The following GDPD4 variants were observed in gnomAD, a reference collection of about 807,000 sequenced individuals.
The protein encoded by GDPD4 is glycerophosphodiester phosphodiesterase domain containing 4.
In GDPD4, 60 loss-of-function variants were observed where a neutral mutation model predicts 67.8. The observed-to-expected ratio is 0.88, with a 90% CI of 0.72 to 1.10. The LOEUF (loss-of-function observed/expected upper bound fraction) is 1.10. Among genes scored for constraint, GDPD4 ranks in the 50% least tolerant of loss-of-function variants. The probability of loss-of-function intolerance (pLI) is 0.00; values close to 1 mark genes in which losing one functional copy is unlikely to be tolerated. For synonymous variants in GDPD4, 212 were observed against 210.9 expected (o/e 1.00, Z -0.04); for missense variants, 623 against 613.9 (o/e 1.01, Z -0.16).
In GDPD4 at chr11:77,287,225, C is replaced by T. The variant is rs957854831; in HGVS notation, c.-58G>A. The T allele has an allele frequency of 1.3e-5, 2 of 152,214 alleles. No homozygotes were observed. Among genetic ancestry groups the T allele is most frequent in the Non-Finnish European group, 2.9e-5 (2 of 68,050 alleles). The allele number at this position is 152,214 out of a possible 1,614,324, so 9.4% of individuals were successfully genotyped here. On this transcript the variant is annotated 5_prime_UTR_variant, in exon 2 of 17. Transcript: ENST00000315938. ...CTCCTTATCAGTCTGTACCCAAGTGCAGCAACAAAATCCAACTTTAGTTTT... is the reference window on the plus strand; with the variant it reads ...CTCCTTATCAGTCTGTACCCAAGTGTAGCAACAAAATCCAACTTTAGTTTT...
rs1958127694 is a variant in GDPD4, at chr11:77,216,730, C to T, written c.*547G>A. On this transcript the variant is annotated 3_prime_UTR_variant, in exon 17 of 17. Coordinates refer to ENST00000315938, the MANE Select transcript of GDPD4 (RefSeq NM_182833.3). ...TCTTGATAGCGAGAGCACAATGGTT[C>T]CCCTGAGAGCCTCCGTGGCCCTTCT... is the stretch of plus-strand genomic sequence containing the variant. 5.1e-6 allele frequency: 3 copies of T among 589,074 alleles called. No individual in the cohort carries two copies. Among genetic ancestry groups the T allele is most frequent in the African/African-American group, 1.9e-5 (1 of 53,714 alleles). The allele number at this position is 589,074 out of a possible 1,614,324, so 36.5% of individuals were successfully genotyped here.
At chr11:77,269,838 C>G (rs1193063065) in intron 8 of GDPD4, 45 bp downstream of exon 8, 1 of 1,030,348 alleles carries the variant, frequency 9.7e-7, no homozygotes, top group Non-Finnish European at 1.5e-6. Context: ...TTCAAGTTAC[C>G]ACCTTTGCTT....
At chr11:77,259,208 G>A (rs966971399) in intron 10 of GDPD4, among the ~76,000 whole-genome samples, 4 of 152,006 alleles carry the variant, frequency 2.6e-5, no homozygotes, top group Non-Finnish European at 4.4e-5. Context: ...TCGAACTCCT[G>A]GCCTCAAGTG....
rs766657500 is a variant in GDPD4 at position 77,245,293 on chromosome 11, G to T, written c.1074C>A (p.Ile358=). The change falls in exon 12 of 17, where the codon ATC becomes ATA. Residue 358 remains isoleucine (I), a synonymous_variant. Transcript: ENST00000315938. ...QVVSVILASK[I]EQHLIFWLPA... is the part of the protein sequence containing the mutation. ...GAGATAGACTTACCAGATGTTGCTCGATTTTAGAGGCAAGGATCACGCTTA... is the reference window on the plus strand; with the variant it reads ...GAGATAGACTTACCAGATGTTGCTCTATTTTAGAGGCAAGGATCACGCTTA... The T allele has an allele frequency of 1.2e-6, 2 of 1,613,710 alleles. No homozygotes were observed. The highest frequency in any genetic ancestry group is 1.7e-6 in the Non-Finnish European group (2 of 1,179,750).
intron 16 of GDPD4, 148 bp downstream of exon 16, chr11:77,227,716 C>T: frequency 3.1e-6 from 2 of 651,804 alleles, no homozygotes; most frequent in Non-Finnish European, 5.6e-6. Context: ...TATGCCCAGC[C>T]TATACTTCCC....
intron 13 of GDPD4, among the ~76,000 whole-genome samples, chr11:77,241,594 C>T (rs753706071): frequency 6.8e-6 from 1 of 147,494 alleles, no homozygotes; most frequent in African/African-American, 2.5e-5. Flanking sequence ...GCCAAGATCA[C>T]GCCACTGCCT....
intron 11 of GDPD4, among the ~76,000 whole-genome samples, chr11:77,246,340 C>G (rs1328875480): frequency 6.6e-6 from 1 of 151,950 alleles, no homozygotes; most frequent in Non-Finnish European, 1.5e-5. Context: ...ACTTCAATGG[C>G]TTTGAAGCCC....
chr11:77,243,103 T>C (rs565989381), intron 13 of GDPD4, among the ~76,000 whole-genome samples: 2 of 152,304 alleles, frequency 1.3e-5, no homozygotes, highest in South Asian at 4.1e-4. Flanking sequence ...ATTAAGCATG[T>C]TTAATAATAG....
intron 11 of GDPD4, among the ~76,000 whole-genome samples, chr11:77,257,254 T>C (rs1376375166): frequency 6.6e-6 from 1 of 152,184 alleles, no homozygotes; most frequent in East Asian, 1.9e-4. Context: ...GTATAGCTGA[T>C]TGGTCAGAAC....
chr11:77,248,104 A>G (rs1490042524), intron 11 of GDPD4, among the ~76,000 whole-genome samples: 1 of 151,596 alleles, frequency 6.6e-6, no homozygotes, highest in Non-Finnish European at 1.5e-5. Context: ...GGACAATTAA[A>G]CCTGTCCAAT....
At chr11:77,257,031 G>A (rs1263810957) in intron 11 of GDPD4, among the ~76,000 whole-genome samples, 1 of 152,056 alleles carries the variant, frequency 6.6e-6, no homozygotes, top group Admixed American at 6.6e-5. Context: ...ACGGCCCTCA[G>A]GATTAACATC....
chr11:77,220,284 C>T (rs1309870699), intron 16 of GDPD4, among the ~76,000 whole-genome samples: 12 of 152,280 alleles, frequency 7.9e-5, no homozygotes, highest in African/African-American at 2.9e-4. Context: ...CTGTCTTGTG[C>T]CAGTTTTCAA....
chr11:77,229,837 GC>G (rs1352620091), intron 14 of GDPD4, among the ~76,000 whole-genome samples: 2 of 152,070 alleles, frequency 1.3e-5, no homozygotes, highest in Non-Finnish European at 2.9e-5. Flanking sequence ...TATGCTCCTT[GC>G]CCAAATCATC....
At chr11:77,249,562 C>A (rs1958849911) in intron 11 of GDPD4, among the ~76,000 whole-genome samples, 1 of 152,116 alleles carries the variant, frequency 6.6e-6, no homozygotes, top group African/African-American at 2.4e-5. Flanking sequence ...GGACACAGGG[C>A]AAACTGCTGC....
chr11:77,246,236 A>G (rs887232359), intron 11 of GDPD4, among the ~76,000 whole-genome samples: 16 of 152,204 alleles, frequency 1.1e-4, no homozygotes, highest in Non-Finnish European at 5.9e-5. Context: ...CAAGTGAGCT[A>G]TGATTGTGCC....
At chr11:77,300,112 G>C (rs923041034) in intron 1 of GDPD4, among the ~76,000 whole-genome samples, 1 of 151,608 alleles carries the variant, frequency 6.6e-6, no homozygotes, top group Admixed American at 6.6e-5. Flanking sequence ...TTGATCACCT[G>C]CTCCATCCTG....
Position 77,216,715 on chromosome 11 carries a change from G to T in GDPD4, c.*562C>A. 1.7e-6 allele frequency: 1 copy of T among 576,264 alleles called. No homozygotes were observed. Among genetic ancestry groups the T allele is most frequent in the Non-Finnish European group, 3.1e-6 (1 of 324,430 alleles). 35.7% of individuals were successfully genotyped at this position (576,264 alleles called of 1,614,324 possible). ...CCCCTTGAGATGCATTCTTGATAGC[G>T]AGAGCACAATGGTTCCCCTGAGAGC... On this transcript the variant is annotated 3_prime_UTR_variant, in exon 17 of 17. Coordinates refer to ENST00000315938, the MANE Select transcript of GDPD4 (RefSeq NM_182833.3).
intron 10 of GDPD4, 80 bp from the exon 11 acceptor site, chr11:77,258,622 CCT>C: frequency 7.5e-7 from 1 of 1,334,478 alleles, no homozygotes; most frequent in Non-Finnish European, 1.1e-6. Flanking sequence ...CCCAGACAGT[CCT>C]TCAAGGTCAC....
At position 77,235,021 on chromosome 11, in the gene GDPD4, T is replaced by TG. The variant is rs1334577219; in HGVS notation, c.1242-1850_1242-1849insC. On this transcript the variant is annotated intron_variant, in intron 13 of 16. Coordinates refer to ENST00000315938, the MANE Select transcript of GDPD4 (RefSeq NM_182833.3). ...CTTGTCAATATCTGTTTTTTTTTTT[T>TG]TTTTTTTTTTTTTTTTGACTTTTTA... 2.5e-4 allele frequency among the ~76,000 whole-genome samples: 33 copies of TG among 130,828 alleles called. 1 individual carries two copies. The highest frequency in any genetic ancestry group is 9.0e-4 in the African/African-American group (33 of 36,756). The allele number at this position is 130,828 out of a possible 152,430, so 85.8% of individuals were successfully genotyped here.
Sources: allele counts gnomAD v4.1 joint callset (sites outside exome capture counted in the v4.1 genomes callset), GRCh38; gene constraint gnomAD v4.1.1; transcripts MANE v1.5; gene names NCBI Gene and HGNC (gene_info 2026-07-23, HGNC 2026-07-21).